Variants in TFB1M observed in about 807,000 individuals in gnomAD.
The protein encoded by TFB1M is transcription factor B1, mitochondrial.
In TFB1M, 27 loss-of-function variants were observed where a neutral mutation model predicts 31.1. That is an observed-to-expected ratio of 0.87 (90% CI 0.64 to 1.20). The LOEUF (loss-of-function observed/expected upper bound fraction) is 1.20, where lower values mean the gene tolerates loss of function less well. Among genes scored for constraint, TFB1M ranks in the 50% most tolerant of loss-of-function variants. The probability of loss-of-function intolerance (pLI) is 0.00; values close to 1 mark genes in which losing one functional copy is unlikely to be tolerated. For missense variants in TFB1M, 394 were observed against 418.7 expected (o/e 0.94, Z 0.51); for synonymous variants, 166 against 151.8 (o/e 1.09, Z -0.69).
intron 5 of TFB1M, among the ~76,000 whole-genome samples, chr6:155,281,721 CAAAAAA>C (rs1217317032): frequency 1.6e-5 from 1 of 63,236 alleles, no homozygotes; most frequent in East Asian, 4.8e-4. Flanking sequence ...GACTCTGTCT[CAAAAAA>C]AAAAAAAAAA....
chr6:155,287,586 G>GTGTGTGTGTGTGT, intron 4 of TFB1M, among the ~76,000 whole-genome samples: 1 of 146,834 alleles, frequency 6.8e-6, no homozygotes, highest in African/African-American at 2.5e-5. Context: ...ATGTGTGTGT[G>GTGTGTGTGTGTGT]GTGTATTTAT....
intron 5 of TFB1M, among the ~76,000 whole-genome samples, chr6:155,266,386 G>T (rs1784633367): frequency 6.6e-6 from 1 of 152,108 alleles, no homozygotes; most frequent in African/African-American, 2.4e-5. Context: ...CTAGTTGCTT[G>T]GGAAAGTATC....
Position 155,298,479 on chromosome 6 carries a change from T to A in TFB1M, c.392A>T (p.Asp131Val), listed in dbSNP as rs1777282991. The stretch of plus-strand genomic sequence containing the variant: ...TATAACTACCCAAAAGCACTCACCA[T>A]CTTCCCAGGGTCTTTTAAGACTTTC... The part of the protein sequence containing the change: ...FSESLKRPWE[D>V]DPPNVHIIGN... Residue 131 changes from aspartate to valine, a missense_variant and splice_region_variant, in exon 3 of 7, where the codon GAT (aspartate) becomes GTT (valine). By Grantham distance (152) the Asp-to-Val change is radical. Around this residue, in one of 3 missense-constraint regions of TFB1M, gnomAD observed 273 missense variants for 256.4 expected, o/e 1.06. Coordinates refer to ENST00000367166, the MANE Select transcript of TFB1M (RefSeq NM_016020.4). 6.4e-7 allele frequency: 1 copy of A among 1,562,396 alleles called. No individual in the cohort carries two copies. The highest frequency in any genetic ancestry group is 1.4e-5 in the African/African-American group (1 of 73,870).
chr6:155,238,684 C>T, the TFB1M span, among the ~76,000 whole-genome samples: 7 of 152,350 alleles, frequency 4.6e-5, no homozygotes, highest in East Asian at 7.7e-4. Flanking sequence ...CCTGGACAAC[C>T]GATTCTAAAA....
intron 4 of TFB1M, among the ~76,000 whole-genome samples, chr6:155,286,574 CAT>C (rs1776657513): frequency 7.2e-6 from 1 of 139,580 alleles, no homozygotes; most frequent in East Asian, 2.1e-4. Flanking sequence ...TATATATATA[CAT>C]GTGTATATGT....
chr6:155,300,153 G>C (rs2114786162), intron 2 of TFB1M, among the ~76,000 whole-genome samples: 1 of 152,208 alleles, frequency 6.6e-6, no homozygotes, highest in African/African-American at 2.4e-5. Context: ...AACTTGCAAA[G>C]ATTTACTTCA....
At chr6:155,247,574 C>T in the TFB1M span, among the ~76,000 whole-genome samples, 10 of 152,256 alleles carry the variant, frequency 6.6e-5, no homozygotes, top group East Asian at 1.9e-4. Flanking sequence ...GTGATCTGCC[C>T]GCCTCAGCCT....
At chr6:155,236,411 C>A in the TFB1M span, among the ~76,000 whole-genome samples, 4 of 152,016 alleles carry the variant, frequency 2.6e-5, no homozygotes, top group Non-Finnish European at 5.9e-5. Context: ...GCCTGTAATC[C>A]CAGCACTTTG....
intron 5 of TFB1M, among the ~76,000 whole-genome samples, chr6:155,274,703 T>C (rs1785087930): frequency 6.6e-6 from 1 of 152,208 alleles, no homozygotes; most frequent in Non-Finnish European, 1.5e-5. Flanking sequence ...AACTAGAACT[T>C]AGGGATAACC....
Position 155,256,375 on chromosome 6 carries a change from AT to A in TFB1M, c.*1460del. 1.3e-6 allele frequency: 2 copies of A among 1,491,018 alleles called. No homozygotes were observed. The highest frequency in any genetic ancestry group is 1.8e-6 in the Non-Finnish European group (2 of 1,105,176). The allele number at this position is 1,491,018 out of a possible 1,614,324, so 92.4% of individuals were successfully genotyped here. On this transcript the variant is annotated 3_prime_UTR_variant, in exon 7 of 7. Coordinates refer to ENST00000367166, the MANE Select transcript of TFB1M (RefSeq NM_016020.4). ...CAGGATAGTTGCTAACTGAAGTCAT[AT>A]CATAAAATAAAATCTTAATGTTAAA... is the stretch of plus-strand genomic sequence containing the variant.
chr6:155,264,199 C>T (rs894851568), intron 5 of TFB1M: 1 of 152,146 alleles, frequency 6.6e-6, no homozygotes, highest in African/African-American at 2.4e-5. Context: ...TCCCCACCCT[C>T]CAGTGTCTGC....
intron 4 of TFB1M, among the ~76,000 whole-genome samples, chr6:155,290,057 A>C (rs571457112): frequency 7.6e-4 from 115 of 152,280 alleles, no homozygotes; most frequent in African/African-American, 2.6e-3. Flanking sequence ...TAAATTACCC[A>C]GTCTCAGGTA....
At chr6:155,245,356 T>C in the TFB1M span, among the ~76,000 whole-genome samples, 1 of 152,210 alleles carries the variant, frequency 6.6e-6, no homozygotes, top group African/African-American at 2.4e-5. Context: ...TTGTCAGCTG[T>C]ATTTTTGTAG....
intron 4 of TFB1M, among the ~76,000 whole-genome samples, chr6:155,287,925 A>C (rs1466859834): frequency 6.6e-6 from 1 of 152,156 alleles, no homozygotes; most frequent in Non-Finnish European, 1.5e-5. Flanking sequence ...TCCTGGGGCT[A>C]GGTAGGCAGG....
intron 5 of TFB1M, among the ~76,000 whole-genome samples, chr6:155,277,807 T>C (rs1427089138): frequency 3.3e-5 from 5 of 152,238 alleles, no homozygotes; most frequent in African/African-American, 9.6e-5. Flanking sequence ...AGAATTCTGA[T>C]GCAAAGAATG....
chr6:155,251,562 C>T (rs776313303), downstream of TFB1M, among the ~76,000 whole-genome samples: 21 of 152,202 alleles, frequency 1.4e-4, no homozygotes, highest in Non-Finnish European at 2.6e-4. Flanking sequence ...GCTGGGATTA[C>T]AGGCATTAGC....
the TFB1M span, chr6:155,250,864 C>A: frequency 6.4e-7 from 1 of 1,568,762 alleles, no homozygotes; most frequent in Non-Finnish European, 8.8e-7. Flanking sequence ...AAGAGATCAT[C>A]TAGCCTGGGA....
chr6:155,250,652 T>C, the TFB1M span: 1 of 1,530,566 alleles, frequency 6.5e-7, no homozygotes, highest in Non-Finnish European at 8.8e-7. Context: ...GAAACTGAGT[T>C]GGTCACAAGG....
the TFB1M span, among the ~76,000 whole-genome samples, chr6:155,233,916 T>C: frequency 6.6e-6 from 1 of 151,506 alleles, no homozygotes; most frequent in Non-Finnish European, 1.5e-5. Context: ...TGAGCTATGA[T>C]TGTACCACAG....
Sources: gnomAD v4.1 joint callset for allele counts (sites outside exome capture counted in the v4.1 genomes callset) on GRCh38, gnomAD v4.1.1 for gene constraint, gnomAD v4.1.1 regional missense constraint, MANE v1.5 for transcripts, NCBI Gene and HGNC (gene_info 2026-07-23, HGNC 2026-07-21) for gene names.